Variants in ADGRA3 observed in about 807,000 individuals in gnomAD.
ADGRA3 encodes adhesion G protein-coupled receptor A3, also known as G-protein coupled receptor 125.
A neutral mutation model predicts 119.8 loss-of-function variants in ADGRA3; 56 were observed. The ratio of observed to expected loss-of-function variants is 0.47; its 90% CI spans 0.38 to 0.58. ADGRA3 has a LOEUF of 0.58. Ranked by LOEUF, ADGRA3 falls within the 20% of genes least tolerant of loss-of-function variation. ADGRA3 has a pLI of 0.00. For missense variants in ADGRA3, 1,516 were observed against 1,649.0 expected, an observed-to-expected ratio of 0.92 and a Z score of 1.40; for synonymous variants, 607 against 623.8, an observed-to-expected ratio of 0.97 and a Z score of 0.40.
rs369484451 is a variant in ADGRA3 at position 22,410,952 on chromosome 4, A to C, written c.2232+2230T>G. ...GTGTATTACATTTTTTTAAGAGATT[A>C]AAAGTCTGAAAGATAAAAGAATAGC... is the stretch of plus-strand genomic sequence containing the variant. On this transcript the variant is annotated intron_variant, in intron 14 of 18. Transcript: ENST00000334304. Among the ~76,000 whole-genome samples the C allele has an allele frequency of 2.6e-4, 39 of 152,314 alleles. No individual in the cohort carries two copies. The East Asian group carries it at 5.4e-3, about 21-fold the overall frequency.
intron 12 of ADGRA3, 60 bp downstream of exon 12, chr4:22,420,826 C>T (rs755709919): frequency 1.3e-6 from 2 of 1,499,382 alleles, no homozygotes; most frequent in Admixed American, 1.7e-5. Context: ...CGAAGCAGAA[C>T]ATTTGGAGCA....
chr4:22,436,168 G>T (rs181510624), intron 9 of ADGRA3, among the ~76,000 whole-genome samples: 230 of 152,056 alleles, frequency 1.5e-3, no homozygotes, highest in African/African-American at 5.4e-3. Context: ...CTCGAAGGAT[G>T]GTTAGGATTC....
At chr4:22,446,247 C>A (rs1716823960) in intron 5 of ADGRA3, among the ~76,000 whole-genome samples, 1 of 152,166 alleles carries the variant, frequency 6.6e-6, no homozygotes, top group African/African-American at 2.4e-5. Flanking sequence ...ACGTGACAGA[C>A]TCCTAATTCC....
At chr4:22,483,457 C>T (rs535337590) in intron 1 of ADGRA3, among the ~76,000 whole-genome samples, 1 of 152,286 alleles carries the variant, frequency 6.6e-6, no homozygotes, top group Admixed American at 6.5e-5. Flanking sequence ...AGCCTTATTC[C>T]TGCTTAAGTC....
intron 1 of ADGRA3, among the ~76,000 whole-genome samples, chr4:22,514,821 G>T (rs1719580626): frequency 6.6e-6 from 1 of 152,116 alleles, no homozygotes; most frequent in Non-Finnish European, 1.5e-5. Context: ...CTTCCAGGTG[G>T]AAACTCAATC....
At chr4:22,456,465 G>C (rs1717242574) in intron 3 of ADGRA3, among the ~76,000 whole-genome samples, 1 of 152,152 alleles carries the variant, frequency 6.6e-6, no homozygotes, top group East Asian at 1.9e-4. Flanking sequence ...TTCCACAGCA[G>C]GATGTCTTCT....
intron 12 of ADGRA3, among the ~76,000 whole-genome samples, chr4:22,419,349 T>C (rs930468886): frequency 1.3e-5 from 2 of 152,204 alleles, no homozygotes; most frequent in Admixed American, 6.5e-5. Flanking sequence ...TTAACCACAT[T>C]TTATGCCATT....
In ADGRA3 at chr4:22,447,499, C is replaced by T. The variant is rs749894200; in HGVS notation, c.486G>A (p.Gly162=). Residue 162 remains glycine, a synonymous_variant, in exon 5 of 19, where the codon GGG becomes GGA. Transcript: ENST00000334304. The part of the protein sequence containing the change: ...LTNLVRLNLS[G]NLFSSLSQGT... ...CTTGAGATAATGAAGAAAACAAATTCCCCGAAAGGTTTCTGAAAGACAGAA... is the reference window on the plus strand; with the variant it reads ...CTTGAGATAATGAAGAAAACAAATTTCCCGAAAGGTTTCTGAAAGACAGAA... 3.2e-6 allele frequency: 5 copies of T among 1,571,242 alleles called. No individual in the cohort carries two copies. The highest frequency in any genetic ancestry group is 1.8e-5 in the Admixed American group (1 of 54,210).
chr4:22,400,109 C>T (rs1714547490), intron 16 of ADGRA3, among the ~76,000 whole-genome samples: 2 of 152,138 alleles, frequency 1.3e-5, no homozygotes, highest in Admixed American at 1.3e-4. Flanking sequence ...GCTAAACGTT[C>T]CTATTAATTC....
intron 10 of ADGRA3, among the ~76,000 whole-genome samples, chr4:22,429,453 C>T (rs1388788294): frequency 6.6e-6 from 1 of 152,180 alleles, no homozygotes; most frequent in Non-Finnish European, 1.5e-5. Flanking sequence ...CTGATGACCA[C>T]GAGGTATGTT....
rs568638247 is a variant in ADGRA3, at chr4:22,431,980, G to A, written c.1443+3331C>T. ...ATTACATATCATTTCAGTTAAAGTT[G>A]CAGTTTCCAAGAACCTATAGATGAC... is the stretch of plus-strand genomic sequence containing the variant. On this transcript the variant is annotated intron_variant, in intron 10 of 18. Transcript: ENST00000334304. 1.1e-4 allele frequency among the ~76,000 whole-genome samples: 16 copies of A among 152,144 alleles called. No homozygotes were observed. The East Asian group carries it at 2.9e-3, about 28-fold the overall frequency.
intron 1 of ADGRA3, 92 bp downstream of exon 1, chr4:22,515,436 C>T (rs1454099970): frequency 1.3e-5 from 19 of 1,441,104 alleles, no homozygotes; most frequent in Non-Finnish European, 1.7e-5. Flanking sequence ...CACAAAGGCG[C>T]GTGGGTGCCG....
At chr4:22,428,131 AAAC>A (rs1716017339) in intron 10 of ADGRA3, among the ~76,000 whole-genome samples, 1 of 152,172 alleles carries the variant, frequency 6.6e-6, no homozygotes, top group Non-Finnish European at 1.5e-5. Context: ...GATAATACGT[AAAC>A]TAAACTTGAT....
At chr4:22,476,618 T>C (rs987553629) in intron 1 of ADGRA3, among the ~76,000 whole-genome samples, 1 of 151,954 alleles carries the variant, frequency 6.6e-6, no homozygotes, top group Admixed American at 6.6e-5. Context: ...ATGATCGCTA[T>C]TTTAGTGATG....
intron 1 of ADGRA3, among the ~76,000 whole-genome samples, chr4:22,487,199 T>C (rs1407888962): frequency 3.9e-5 from 6 of 152,182 alleles, no homozygotes; most frequent in Non-Finnish European, 8.8e-5. Context: ...TCACAGATAT[T>C]GTTTAGATAA....
chr4:22,456,199 C>T (rs1330353615), intron 3 of ADGRA3, among the ~76,000 whole-genome samples: 2 of 152,038 alleles, frequency 1.3e-5, no homozygotes, highest in Non-Finnish European at 2.9e-5. Flanking sequence ...TTTTCCTTGA[C>T]TATTTCAAAA....
intron 1 of ADGRA3, among the ~76,000 whole-genome samples, chr4:22,507,020 G>A (rs1197987330): frequency 2.0e-5 from 3 of 151,886 alleles, no homozygotes; most frequent in South Asian, 2.1e-4. Flanking sequence ...GGCGGATCAC[G>A]AGGTCAGGAG....
intron 16 of ADGRA3, among the ~76,000 whole-genome samples, chr4:22,395,190 A>C (rs2108998036): frequency 6.6e-6 from 1 of 152,310 alleles, no homozygotes; most frequent in African/African-American, 2.4e-5. Flanking sequence ...TCGGGACACT[A>C]ATTTCCAAAG....
intron 2 of ADGRA3, among the ~76,000 whole-genome samples, chr4:22,465,444 T>G (rs895886499): frequency 2.6e-5 from 4 of 152,126 alleles, no homozygotes; most frequent in African/African-American, 7.2e-5. Flanking sequence ...GAGGTCAAGA[T>G]CTGAGTCTGG....
Sources: gnomAD v4.1 joint callset for allele counts (sites outside exome capture counted in the v4.1 genomes callset) on GRCh38, gnomAD v4.1.1 for gene constraint, MANE v1.5 for transcripts, NCBI Gene and HGNC (gene_info 2026-07-23, HGNC 2026-07-21) for gene names.